Variants in ZNF75D observed in about 807,000 individuals in gnomAD.
ZNF75D encodes zinc finger protein 75D.
A neutral mutation model predicts 33.3 loss-of-function variants in ZNF75D; 33 were observed. The observed-to-expected ratio is 0.99, with a 90% CI of 0.75 to 1.32. ZNF75D has a LOEUF of 1.32. Among genes scored for constraint, ZNF75D ranks in the 40% most tolerant of loss-of-function variants. The pLI is 0.00. For synonymous variants in ZNF75D, 113 were observed against 130.6 expected (o/e 0.87, Z 0.92); for missense variants, 338 against 367.5 (o/e 0.92, Z 0.66).
In ZNF75D at chrX:135,294,156, T is replaced by TAC. The variant is rs782662554; in HGVS notation, c.-17_-16insGT. ...TCATCGCCATTTGCTCTAGGAACAG[T>TAC]TTTACTCTTGTATGTGACACTGACA... On this transcript the variant is annotated 5_prime_UTR_variant, in exon 3 of 7. Coordinates refer to ENST00000370766, the MANE Select transcript of ZNF75D (RefSeq NM_007131.5). 8.6e-7 allele frequency: 1 copy of TAC among 1,166,862 alleles called. No homozygotes were observed. The highest frequency in any genetic ancestry group is 1.1e-6 in the Non-Finnish European group (1 of 872,218).
chrX:135,252,228 T>C (rs1247580230), intron 2 of ZNF75D: 1 of 105,245 alleles, frequency 9.5e-6, no homozygotes, highest in Non-Finnish European at 1.9e-5. Context: ...TTCAAACTGA[T>C]ACAGAGACAC....
rs782279244 is a variant in ZNF75D, at chrX:135,287,131, CT to C, written c.*5del. On this transcript the variant is annotated 3_prime_UTR_variant, in exon 7 of 7. Transcript: ENST00000370766. Reference sequence around the variant, plus strand: ...TCTAAAGTCAAGCTCTACATGGTAACTTTCCTCAGTTTGGAGACACTAGACA... The same window carrying C: ...TCTAAAGTCAAGCTCTACATGGTAACTTCCTCAGTTTGGAGACACTAGACA... 8.4e-7 allele frequency: 1 copy of C among 1,187,551 alleles called. No homozygotes were observed. The highest frequency in any genetic ancestry group is 3.0e-5 in the East Asian group (1 of 33,722).
At chrX:135,291,851 G>A (rs1556421355) in intron 4 of ZNF75D, among the ~76,000 whole-genome samples, 1 of 112,334 alleles carries the variant, frequency 8.9e-6, no homozygotes, top group African/African-American at 3.2e-5. Flanking sequence ...AAGAATTGAA[G>A]GTTTGGAAAT....
At chrX:135,306,336 C>T (rs970274161) in intron 1 of ZNF75D, among the ~76,000 whole-genome samples, 2 of 103,056 alleles carry the variant, frequency 1.9e-5, no homozygotes, top group Admixed American at 1.1e-4. Flanking sequence ...CACACACACA[C>T]GGGATTATAA....
chrX:135,330,107 A>G (rs1556439863), intron 1 of ZNF75D, among the ~76,000 whole-genome samples: 1 of 112,383 alleles, frequency 8.9e-6, no homozygotes. Flanking sequence ...AACAGGGATG[A>G]AAATTGCCTC....
chrX:135,257,192 G>A (rs2083807079), intron 1 of ZNF75D, among the ~76,000 whole-genome samples: 2 of 112,779 alleles, frequency 1.8e-5, no homozygotes, highest in South Asian at 7.2e-4. Context: ...AGCTCAGCCA[G>A]TGCAGTAGAG....
intron 1 of ZNF75D, among the ~76,000 whole-genome samples, chrX:135,320,974 A>G (rs1199786449): frequency 9.0e-6 from 1 of 111,551 alleles, no homozygotes; most frequent in East Asian, 2.8e-4. Flanking sequence ...TGCTGCTATA[A>G]CAGATTATCA....
At chrX:135,312,576 GT>G (rs1326977291) in intron 1 of ZNF75D, among the ~76,000 whole-genome samples, 1 of 109,855 alleles carries the variant, frequency 9.1e-6, no homozygotes, top group Non-Finnish European at 1.9e-5. Context: ...TCTTTATACT[GT>G]TTTTCATTGT....
chrX:135,283,843 G>A (rs191500763), downstream of ZNF75D, among the ~76,000 whole-genome samples: 35 of 111,688 alleles, frequency 3.1e-4, no homozygotes, highest in African/African-American at 1.1e-3. Context: ...GAGGGAAAAG[G>A]TGGAGACCTG....
downstream of ZNF75D, among the ~76,000 whole-genome samples, chrX:135,283,550 G>A (rs141887756): frequency 5.4e-5 from 6 of 111,738 alleles, no homozygotes; most frequent in African/African-American, 1.3e-4. Context: ...CCATGATTCC[G>A]TTTTGTTTAT....
chrX:135,302,826 G>A (rs1390786325), intron 1 of ZNF75D, among the ~76,000 whole-genome samples: 1 of 110,551 alleles, frequency 9.0e-6, no homozygotes, highest in African/African-American at 3.3e-5. Context: ...CAGAGACAAA[G>A]TATAGAGAAA....
At chrX:135,303,705 G>A (rs1293119636) in intron 1 of ZNF75D, among the ~76,000 whole-genome samples, 2 of 112,712 alleles carry the variant, frequency 1.8e-5, no homozygotes, top group Non-Finnish European at 3.7e-5. Context: ...CCCCACAAGG[G>A]ATGGGCTAGC....
At chrX:135,282,146 C>T (rs1556418617), downstream of ZNF75D, among the ~76,000 whole-genome samples, 1 of 112,293 alleles carries the variant, frequency 8.9e-6, no homozygotes, top group African/African-American at 3.2e-5. Context: ...TATCTATAAG[C>T]CCCTGACTGG....
At chrX:135,289,601 GTGAGACTC>G (rs1451018553) in intron 6 of ZNF75D, among the ~76,000 whole-genome samples, 13 of 100,573 alleles carry the variant, frequency 1.3e-4, no homozygotes, top group African/African-American at 4.8e-4. Context: ...GGGTGACAGA[GTGAGACTC>G]TGACACACAC....
intron 1 of ZNF75D, among the ~76,000 whole-genome samples, chrX:135,296,882 T>C (rs1252284590): frequency 8.9e-6 from 1 of 112,436 alleles, no homozygotes; most frequent in Non-Finnish European, 1.9e-5. Flanking sequence ...TGTCATATCC[T>C]GTCCTTTTTC....
chrX:135,260,009 G>A (rs782022524), intron 1 of ZNF75D, among the ~76,000 whole-genome samples: 1 of 112,164 alleles, frequency 8.9e-6, no homozygotes, highest in East Asian at 2.8e-4. Context: ...ATGAAGGGCT[G>A]TTGAATTTTG....
intron 1 of ZNF75D, among the ~76,000 whole-genome samples, chrX:135,262,057 A>T (rs893381400): frequency 1.8e-5 from 2 of 111,747 alleles, no homozygotes; most frequent in Non-Finnish European, 3.8e-5. Flanking sequence ...TATGAAGCTT[A>T]GTTTGGCTGG....
chrX:135,279,836 A>C (rs1300005669), intron 1 of ZNF75D, among the ~76,000 whole-genome samples: 1 of 111,973 alleles, frequency 8.9e-6, no homozygotes, highest in Admixed American at 9.5e-5. Flanking sequence ...ATTTGATTGC[A>C]CTGTGGTCTG....
At chrX:135,325,786 C>G (rs1430889871) in intron 1 of ZNF75D, among the ~76,000 whole-genome samples, 11 of 99,730 alleles carry the variant, frequency 1.1e-4, no homozygotes, top group Admixed American at 1.1e-3. Context: ...GAGGCGCCAC[C>G]CCCTGCTCCA....
Sources: allele counts gnomAD v4.1 joint callset (sites outside exome capture counted in the v4.1 genomes callset), GRCh38; gene constraint gnomAD v4.1.1; transcripts MANE v1.5; gene names NCBI Gene and HGNC (gene_info 2026-07-23, HGNC 2026-07-21).